The following PBLD variants were observed in gnomAD, a reference collection of about 807,000 sequenced individuals.
PBLD encodes the protein phenazine biosynthesis like protein domain containing, also known as phenazine biosynthesis-like domain-containing protein.
PBLD carries 26 observed loss-of-function variants against 31.3 expected under a neutral mutation model. The ratio of observed to expected loss-of-function variants is 0.83; its 90% CI spans 0.61 to 1.15. PBLD has a LOEUF of 1.15. Among genes scored for constraint, PBLD ranks in the 50% most tolerant of loss-of-function variants. The pLI is 0.00. For missense variants in PBLD, 307 were observed against 351.7 expected, an observed-to-expected ratio of 0.87 and a Z score of 1.02; for synonymous variants, 114 against 129.0, an observed-to-expected ratio of 0.88 and a Z score of 0.79.
intron 1 of PBLD, chr10:68,332,338 C>T (rs1439308678): frequency 6.6e-6 from 1 of 152,114 alleles, no homozygotes; most frequent in African/African-American, 2.4e-5. Flanking sequence ...CGGAGGCCGC[C>T]GCTTGGAAGC....
intron 1 of PBLD, among the ~76,000 whole-genome samples, chr10:68,320,070 G>GTCTCGGCC (rs1163872760): frequency 7.9e-5 from 12 of 152,122 alleles, no homozygotes; most frequent in Admixed American, 4.6e-4. Flanking sequence ...TGATCTGCCC[G>GTCTCGGCC]TCTCGGCCTC....
intron 1 of PBLD, among the ~76,000 whole-genome samples, chr10:68,312,345 T>C (rs1564734786): frequency 6.6e-6 from 1 of 152,154 alleles, no homozygotes; most frequent in East Asian, 1.9e-4. Context: ...CACCAACACT[T>C]GTTATCTTGT....
chr10:68,321,599 T>C (rs1489596514), intron 1 of PBLD, among the ~76,000 whole-genome samples: 2 of 152,198 alleles, frequency 1.3e-5, no homozygotes, highest in African/African-American at 4.8e-5. Flanking sequence ...CAACATTCTC[T>C]AGTAGTAAAA....
chr10:68,296,991 T>C lies in PBLD; in HGVS notation c.85-6A>G. On this transcript the variant is annotated splice_region_variant and splice_polypyrimidine_tract_variant and intron_variant, in intron 2 of 9. Coordinates refer to ENST00000358769, the MANE Select transcript of PBLD (RefSeq NM_022129.4). ...TGCATGTCTTCATCCAATTCCTTAA[T>C]TAGAAACAGACGATCATTGAGGTTT... 6.2e-7 allele frequency: 1 copy of C among 1,600,326 alleles called. No individual in the cohort carries two copies. The highest frequency in any genetic ancestry group is 8.6e-7 in the Non-Finnish European group (1 of 1,167,616).
Position 68,296,261 on chromosome 10 carries a change from A to G in PBLD, c.283+5T>C. 6.2e-7 allele frequency: 1 copy of G among 1,603,140 alleles called. No individual in the cohort carries two copies. Among genetic ancestry groups the G allele is most frequent in the East Asian group, 2.2e-5 (1 of 44,830 alleles). On this transcript the variant is annotated splice_donor_5th_base_variant and intron_variant, in intron 4 of 9. Coordinates refer to ENST00000358769, the MANE Select transcript of PBLD (RefSeq NM_022129.4). ...TGTTAGATTCATTAAAGAAAATCAC[A>G]TTACTTATTTTGTGAAACAGCACAG...
intron 1 of PBLD, among the ~76,000 whole-genome samples, chr10:68,314,871 C>A (rs2044716320): frequency 6.6e-6 from 1 of 152,070 alleles, no homozygotes; most frequent in Non-Finnish European, 1.5e-5. Context: ...CTCACTGCAA[C>A]CTCTACCTCC....
At chr10:68,313,695 C>A (rs1344158101) in intron 1 of PBLD, among the ~76,000 whole-genome samples, 1 of 152,164 alleles carries the variant, frequency 6.6e-6, no homozygotes, top group African/African-American at 2.4e-5. Flanking sequence ...CACATTCTTG[C>A]TCCTCAAAAG....
At chr10:68,298,778 ACACACACACAC>A (rs2044465725) in intron 2 of PBLD, among the ~76,000 whole-genome samples, 1 of 151,582 alleles carries the variant, frequency 6.6e-6, no homozygotes, top group South Asian at 2.1e-4. Context: ...ACACACACAC[ACACACACACAC>A]ACACATTCCT....
At chr10:68,327,817 CT>C (rs1300557524) in intron 1 of PBLD, among the ~76,000 whole-genome samples, 2 of 151,938 alleles carry the variant, frequency 1.3e-5, no homozygotes, top group African/African-American at 4.8e-5. Flanking sequence ...AAGTAGCTAT[CT>C]TTTTAAGCTG....
intron 4 of PBLD, among the ~76,000 whole-genome samples, 167 bp from the exon 5 acceptor site, chr10:68,292,405 A>G (rs1220374924): frequency 6.6e-6 from 1 of 152,160 alleles, no homozygotes; most frequent in Non-Finnish European, 1.5e-5. Flanking sequence ...CTCTCACTAG[A>G]TTCTAACTTG....
intron 1 of PBLD, among the ~76,000 whole-genome samples, chr10:68,323,164 C>T (rs1485241879): frequency 1.3e-5 from 2 of 152,000 alleles, no homozygotes; most frequent in African/African-American, 2.4e-5. Context: ...TTTTAATGAT[C>T]TGAGGCCTGC....
chr10:68,306,835 G>A lies in PBLD; in HGVS notation c.10C>T (p.Pro4Ser). The A allele has an allele frequency of 6.2e-7, 1 of 1,607,562 alleles. No individual in the cohort carries two copies. The highest frequency in any genetic ancestry group is 2.2e-5 in the East Asian group (1 of 44,698). MKL[P>S]IFIADAFTAR... ...GTGAATGCATCTGCTATGAAAATAG[G>A]AAGCTTCATTTTCCTTGCAAGCTGT... Residue 4 changes from proline (P) to serine (S), a missense_variant, in exon 2 of 10, where the codon CCT becomes TCT. By Grantham distance (74) the Pro-to-Ser change is moderately conservative. Transcript: ENST00000358769.
intron 1 of PBLD, among the ~76,000 whole-genome samples, chr10:68,319,968 C>T (rs2044809570): frequency 6.6e-6 from 1 of 151,642 alleles, no homozygotes; most frequent in South Asian, 2.1e-4. Flanking sequence ...GGATTACAGG[C>T]ATGTGCCATC....
chr10:68,296,847 C>T (rs374571801), intron 3 of PBLD, 39 bp downstream of exon 3: 12 of 1,528,312 alleles, frequency 7.9e-6, no homozygotes, highest in Middle Eastern at 1.7e-4. Context: ...CCAGCCCGTG[C>T]GACAGAACAG....
chr10:68,321,718 A>C (rs1320240046), intron 1 of PBLD, among the ~76,000 whole-genome samples: 2 of 152,332 alleles, frequency 1.3e-5, no homozygotes, highest in East Asian at 3.9e-4. Context: ...GTACTCAAAA[A>C]AATAAATAAA....
At chr10:68,288,776 G>T (rs1319572542) in intron 7 of PBLD, 115 bp from the exon 8 acceptor site, 3 of 1,316,184 alleles carry the variant, frequency 2.3e-6, no homozygotes, top group East Asian at 4.7e-5. Flanking sequence ...AGGAGGGGAA[G>T]GAAGAACAAG....
intron 1 of PBLD, among the ~76,000 whole-genome samples, chr10:68,316,491 T>A (rs1485695007): frequency 2.6e-5 from 4 of 152,034 alleles, no homozygotes; most frequent in African/African-American, 7.2e-5. Flanking sequence ...GCCTCAGAGA[T>A]CTCTGGGACA....
Position 68,332,909 on chromosome 10 carries a change from A to G in PBLD, c.-185T>C, listed in dbSNP as rs2045274179. On this transcript the variant is annotated 5_prime_UTR_variant, in exon 1 of 10. Transcript: ENST00000358769. Reference sequence around the variant, plus strand: ...CCCAAATCCAGGACAAAGGAGGCAGACGGCCTCCTTTGTAATTCTGCCGCC... The same window carrying G: ...CCCAAATCCAGGACAAAGGAGGCAGGCGGCCTCCTTTGTAATTCTGCCGCC... 2 of 152,208 alleles carry G rather than the reference A, an allele frequency of 1.3e-5. No homozygotes were observed. Among genetic ancestry groups the G allele is most frequent in the African/African-American group, 4.8e-5 (2 of 41,434 alleles). The allele number at this position is 152,208 out of a possible 1,614,324, so 9.4% of individuals were successfully genotyped here.
chr10:68,310,089 T>C (rs2044644589), intron 1 of PBLD, among the ~76,000 whole-genome samples: 1 of 149,456 alleles, frequency 6.7e-6, no homozygotes, highest in Non-Finnish European at 1.5e-5. Flanking sequence ...TGAGCTGAGA[T>C]TGTACCACTG....
Sources: gnomAD v4.1 joint callset for allele counts (sites outside exome capture counted in the v4.1 genomes callset) on GRCh38, gnomAD v4.1.1 for gene constraint, MANE v1.5 for transcripts, NCBI Gene and HGNC (gene_info 2026-07-23, HGNC 2026-07-21) for gene names.